The following FADS3 variants were observed in gnomAD, a reference collection of about 807,000 sequenced individuals.
FADS3 encodes cytochrome b5-related protein.
Under a neutral mutation model 60.4 loss-of-function variants are expected in FADS3, and 30 were observed. The ratio of observed to expected loss-of-function variants is 0.50; its 90% CI spans 0.37 to 0.67. The LOEUF (loss-of-function observed/expected upper bound fraction) is 0.67. Among genes scored for constraint, FADS3 ranks in the 30% least tolerant of loss-of-function variants. FADS3 has a pLI of 0.00. For synonymous variants in FADS3, 234 were observed against 249.3 expected, an observed-to-expected ratio of 0.94 and a Z score of 0.58; for missense variants, 432 against 598.3, an observed-to-expected ratio of 0.72 and a Z score of 2.90.
Position 61,877,531 on chromosome 11 carries a change from G to C in FADS3, c.865C>G (p.Leu289Val). 1.2e-6 allele frequency: 2 copies of C among 1,613,678 alleles called. No individual in the cohort carries two copies. The highest frequency in any genetic ancestry group is 1.7e-6 in the Non-Finnish European group (2 of 1,180,004). The change falls in exon 7 of 12, where the codon CTG becomes GTG. Residue 289 changes from leucine to valine, a missense_variant. By Grantham distance (32) the Leu-to-Val change is conservative. This residue lies in a region of FADS3 where 116 missense variants were observed against 208.9 expected (regional missense o/e 0.56). Transcript: ENST00000278829. This position sits in a 1 kb window ranked among gnomAD's most constrained non-coding sequence, Gnocchi z 4.7. Reference sequence around the variant, plus strand: ...CTCACCGCCCACTGCATGCACACCAGCATGTACGCCAGATTTTCCACTTCA... The same window carrying C: ...CTCACCGCCCACTGCATGCACACCACCATGTACGCCAGATTTTCCACTTCA... ...NFEVENLAYM[L>V]VCMQWADLLW...
chr11:61,890,786 C>A (rs1050589923), intron 1 of FADS3, among the ~76,000 whole-genome samples: 7 of 152,234 alleles, frequency 4.6e-5, no homozygotes, highest in Non-Finnish European at 1.0e-4. Flanking sequence ...TTACCGGCCC[C>A]TGGGGACCCT....
chr11:61,876,652 C>G lies in FADS3; in HGVS notation c.984-197G>C. On this transcript the variant is annotated intron_variant, in intron 8 of 11. Transcript: ENST00000278829. This position sits in a 1 kb window ranked among gnomAD's most constrained non-coding sequence, Gnocchi z 5.7. Reference sequence around the variant, plus strand: ...TGTGAGGCTGAGTCCAGAGCAGCTCCGACACCCACCGGGCCACTTACAAGC... The same window carrying G: ...TGTGAGGCTGAGTCCAGAGCAGCTCGGACACCCACCGGGCCACTTACAAGC... The G allele has an allele frequency of 1.5e-6, 1 of 655,706 alleles. No individual in the cohort carries two copies. 40.6% of individuals were successfully genotyped at this position (655,706 alleles called of 1,614,324 possible).
intron 1 of FADS3, among the ~76,000 whole-genome samples, chr11:61,885,419 A>G (rs1475789876): frequency 6.6e-6 from 1 of 152,168 alleles, no homozygotes; most frequent in Non-Finnish European, 1.5e-5. Flanking sequence ...TAAAGCACTT[A>G]GAAGGGGCCT....
rs929623447 is a variant in FADS3, at chr11:61,876,225, C to T, written c.1081-35G>A. ...GCCGGCGGGGCACATGTGAGGAGGCCGTTGCAGATCCCTGACCCCACGGCA... is the reference window on the plus strand; with the variant it reads ...GCCGGCGGGGCACATGTGAGGAGGCTGTTGCAGATCCCTGACCCCACGGCA... On this transcript the variant is annotated intron_variant, in intron 9 of 11. Transcript: ENST00000278829. This position sits in a 1 kb window ranked among gnomAD's most constrained non-coding sequence, Gnocchi z 5.7. 7.0e-6 allele frequency: 11 copies of T among 1,581,026 alleles called. No individual in the cohort carries two copies. The highest frequency in any genetic ancestry group is 4.6e-5 in the East Asian group (2 of 43,148).
chr11:61,886,897 C>T (rs1938337660), intron 1 of FADS3, among the ~76,000 whole-genome samples: 1 of 152,198 alleles, frequency 6.6e-6, no homozygotes, highest in African/African-American at 2.4e-5. Context: ...AGAGAACCAC[C>T]TAGAAGGAGG....
At chr11:61,875,636 A>G (rs575039939) in intron 11 of FADS3, among the ~76,000 whole-genome samples, 1 of 152,106 alleles carries the variant, frequency 6.6e-6, no homozygotes, top group South Asian at 2.1e-4. Flanking sequence ...GTTTGCATAG[A>G]CCTGCTCACC....
Position 61,891,292 on chromosome 11 carries a change from C to A in FADS3, c.90G>T (p.Ala30=), listed in dbSNP as rs1332710097. The A allele has an allele frequency of 3.3e-6, 5 of 1,535,512 alleles. No homozygotes were observed. The highest frequency in any genetic ancestry group is 4.4e-6 in the Non-Finnish European group (5 of 1,145,688). The change falls in exon 1 of 12, where the codon GCG becomes GCT. Residue 30 remains alanine (A), a synonymous_variant. Transcript: ENST00000278829. ...LPTFCWEQIR[A]HDQPGDKWLV... ...GCCACTTGTCGCCGGGCTGGTCGTG[C>A]GCGCGGATCTGCTCCCAGCAGAAGG...
At position 61,877,700 on chromosome 11, in the gene FADS3, G is replaced by T; in HGVS notation, c.809-113C>A. 1.0e-6 allele frequency: 1 copy of T among 953,232 alleles called. No homozygotes were observed. The highest frequency in any genetic ancestry group is 1.6e-6 in the Non-Finnish European group (1 of 622,648). The allele number at this position is 953,232 out of a possible 1,614,324, so 59.0% of individuals were successfully genotyped here. A position where few individuals can be genotyped will look rare whatever the true frequency, so the allele number is the denominator to read the frequency against. ...GAATGCCCCTGGGACGTTGGTGCTG[G>T]TCACATCCAGCTGAATGACCCCATA... On this transcript the variant is annotated intron_variant, in intron 6 of 11. Coordinates refer to ENST00000278829, the MANE Select transcript of FADS3 (RefSeq NM_021727.5). The surrounding 1 kb of genome is among the most constrained non-coding windows in gnomAD (Gnocchi z 4.7).
At chr11:61,890,417 GGGTCAAGGACA>G (rs1337646545) in intron 1 of FADS3, 6 of 152,304 alleles carry the variant, frequency 3.9e-5, no homozygotes, top group Admixed American at 2.6e-4. Context: ...GAAATTTGGA[GGGTCAAGGACA>G]GGGCATCGTG....
intron 1 of FADS3, among the ~76,000 whole-genome samples, chr11:61,884,310 C>A (rs779708763): frequency 6.6e-6 from 1 of 151,878 alleles, no homozygotes; most frequent in Non-Finnish European, 1.5e-5. Context: ...GCTTACTGGG[C>A]GGGTGAGGGG....
In FADS3 at chr11:61,877,471, C is replaced by T. The variant is rs772165928; in HGVS notation, c.885+40G>A. On this transcript the variant is annotated intron_variant, in intron 7 of 11. Coordinates refer to ENST00000278829, the MANE Select transcript of FADS3 (RefSeq NM_021727.5). This position sits in a 1 kb window ranked among gnomAD's most constrained non-coding sequence, Gnocchi z 4.7. ...TCCCCCGAGGCACCACCTCCTGCCA[C>T]GGCAGCCGTATGCCCGGGGTCCTGG... The T allele has an allele frequency of 6.0e-5, 96 of 1,598,220 alleles. 1 individual carries two copies. In the Admixed American group the frequency reaches 1.0e-3, roughly 17 times the overall value.
chr11:61,874,046 C>A (rs892273629), intron 11 of FADS3, among the ~76,000 whole-genome samples, 181 bp from the exon 12 acceptor site: 3 of 152,228 alleles, frequency 2.0e-5, no homozygotes, highest in African/African-American at 7.2e-5. Flanking sequence ...AATGCTCATT[C>A]TCTGGAATGG....
chr11:61,891,931 G>A (rs1938536934), upstream of FADS3: 3 of 152,388 alleles, frequency 2.0e-5, no homozygotes, highest in Admixed American at 6.5e-5. Flanking sequence ...TGAGCAGCGG[G>A]GCCTGGGGGG....
intron 11 of FADS3, 151 bp downstream of exon 11, chr11:61,875,700 G>GC: frequency 5.4e-6 from 5 of 923,050 alleles, no homozygotes; most frequent in Non-Finnish European, 8.0e-6. Context: ...TTCTCACTGT[G>GC]TGCGTGAAGG....
At chr11:61,878,431 G>A in intron 5 of FADS3, 81 bp downstream of exon 5, 1 of 1,558,794 alleles carries the variant, frequency 6.4e-7, no homozygotes, top group Non-Finnish European at 8.7e-7. Context: ...GCTAGGTCAG[G>A]GGCAGAGTGG....
chr11:61,884,883 G>A (rs1245549141), intron 1 of FADS3, among the ~76,000 whole-genome samples: 3 of 152,166 alleles, frequency 2.0e-5, no homozygotes, highest in East Asian at 1.9e-4. Context: ...TGGAGGTAGC[G>A]ACAGGCTCTG....
chr11:61,890,004 C>T lies in FADS3; in HGVS notation c.213+1165G>A, dbSNP rs148430249. 6.5e-3 allele frequency among the ~76,000 whole-genome samples: 993 copies of T among 152,358 alleles called. 13 individuals carry two copies. Among genetic ancestry groups the T allele is most frequent in the African/African-American group, 0.023 (944 of 41,582 alleles). ...AAGGCAGGCACACACACCACACTCACCCAGACATGCAAACACCTGCACGCT... is the reference window on the plus strand; with the variant it reads ...AAGGCAGGCACACACACCACACTCATCCAGACATGCAAACACCTGCACGCT... On this transcript the variant is annotated intron_variant, in intron 1 of 11. Coordinates refer to ENST00000278829, the MANE Select transcript of FADS3 (RefSeq NM_021727.5).
Position 61,891,259 on chromosome 11 carries a change from G to A in FADS3, c.123C>T (p.Ile41=), listed in dbSNP as rs1426727416. Residue 41 remains isoleucine, a synonymous_variant, in exon 1 of 12, where the codon ATC becomes ATT. Coordinates refer to ENST00000278829, the MANE Select transcript of FADS3 (RefSeq NM_021727.5). ...GGCTGATGTCGTAGACGCGGCGCTCGATGACCAGCCACTTGTCGCCGGGCT... is the reference window on the plus strand; with the variant it reads ...GGCTGATGTCGTAGACGCGGCGCTCAATGACCAGCCACTTGTCGCCGGGCT... ...HDQPGDKWLV[I]ERRVYDISRW... 3.9e-6 allele frequency: 6 copies of A among 1,542,504 alleles called. No homozygotes were observed. The highest frequency in any genetic ancestry group is 1.9e-4 in the Middle Eastern group (1 of 5,394).
chr11:61,891,860 T>G (rs1266784388), upstream of FADS3: 1 of 151,992 alleles, frequency 6.6e-6, no homozygotes, highest in Non-Finnish European at 1.5e-5. Flanking sequence ...AACACGCACC[T>G]GTTGGGCGTC....
Sources: allele counts gnomAD v4.1 joint callset (sites outside exome capture counted in the v4.1 genomes callset), GRCh38; gene constraint gnomAD v4.1.1; regional missense constraint gnomAD v4.1.1; non-coding constraint Gnocchi (gnomAD v3.1); transcripts MANE v1.5; gene names NCBI Gene and HGNC (gene_info 2026-07-23, HGNC 2026-07-21).